Variants in MBTPS1 observed in about 807,000 individuals in gnomAD.
The protein encoded by MBTPS1 is membrane bound transcription factor peptidase, site 1.
Under a neutral mutation model 127.8 loss-of-function variants are expected in MBTPS1, and 94 were observed. That is an observed-to-expected ratio of 0.74 (90% CI 0.62 to 0.87). The LOEUF (loss-of-function observed/expected upper bound fraction) is 0.87. Ranked by LOEUF, MBTPS1 falls within the 40% of genes least tolerant of loss-of-function variation. The pLI is 0.00. For synonymous variants in MBTPS1, 632 were observed against 509.4 expected (o/e 1.24, Z -3.24); for missense variants, 1,636 against 1,353.2 (o/e 1.21, Z -3.28).
At chr16:84,107,943 A>T (rs2086347029) in intron 1 of MBTPS1, among the ~76,000 whole-genome samples, 1 of 148,018 alleles carries the variant, frequency 6.8e-6, no homozygotes, top group Admixed American at 6.8e-5. Flanking sequence ...CAGGCTCAAG[A>T]TATCCTCCTG....
chr16:84,077,608 G>A (rs892455714), intron 11 of MBTPS1, among the ~76,000 whole-genome samples: 2 of 152,086 alleles, frequency 1.3e-5, no homozygotes, highest in Admixed American at 6.5e-5. Context: ...ATGGATCAAG[G>A]AATTTCAAGT....
At chr16:84,106,752 G>C (rs1188332011) in intron 1 of MBTPS1, among the ~76,000 whole-genome samples, 3 of 152,202 alleles carry the variant, frequency 2.0e-5, no homozygotes, top group African/African-American at 7.2e-5. Context: ...GGCTGAGGCA[G>C]GGAGCATCTG....
chr16:84,074,573 G>C (rs756480592), intron 12 of MBTPS1, 24 bp downstream of exon 12: 6 of 1,609,738 alleles, frequency 3.7e-6, no homozygotes, highest in South Asian at 2.2e-5. Flanking sequence ...TCAAGTCAGA[G>C]ACCAAGTCAG....
At position 84,116,194 on chromosome 16, in the gene MBTPS1, A is replaced by T. The variant is rs1310401327; in HGVS notation, c.-325+541T>A. Among the ~76,000 whole-genome samples the T allele has an allele frequency of 2.0e-5, 3 of 152,336 alleles. No homozygotes were observed. The East Asian group carries it at 5.8e-4, about 29-fold the overall frequency. On this transcript the variant is annotated intron_variant, in intron 1 of 22. Transcript: ENST00000343411. The stretch of plus-strand genomic sequence containing the variant: ...GCTCAACCCAATATGAAAGGTAAAC[A>T]TCTTAATAAAAATACTGACGATCCA...
chr16:84,057,560 C>T (rs2085540259), intron 21 of MBTPS1: 1 of 152,196 alleles, frequency 6.6e-6, no homozygotes, highest in African/African-American at 2.4e-5. Flanking sequence ...CACCTGATGC[C>T]AACGAAGAAG....
intron 1 of MBTPS1, among the ~76,000 whole-genome samples, chr16:84,113,878 G>C (rs2086431936): frequency 6.6e-6 from 1 of 151,554 alleles, no homozygotes; most frequent in Non-Finnish European, 1.5e-5. Context: ...TTGCATACTT[G>C]GCTATATTAC....
At chr16:84,088,586 A>C (rs1363054859) in intron 8 of MBTPS1, among the ~76,000 whole-genome samples, 1 of 152,200 alleles carries the variant, frequency 6.6e-6, no homozygotes, top group Admixed American at 6.5e-5. Flanking sequence ...AACCCTTAAA[A>C]AATAAGGGAA....
chr16:84,107,733 C>T (rs1398976714), intron 1 of MBTPS1, among the ~76,000 whole-genome samples: 3 of 148,174 alleles, frequency 2.0e-5, no homozygotes, highest in Non-Finnish European at 3.0e-5. Flanking sequence ...GAGACAGGGT[C>T]CCGCTTGGTC....
At chr16:84,090,762 G>A (rs17849051) in intron 8 of MBTPS1, 113 bp downstream of exon 8, 1 of 798,144 alleles carries the variant, frequency 1.3e-6, no homozygotes, top group Non-Finnish European at 2.1e-6. Flanking sequence ...CTTAAGACAA[G>A]TTTTAGACAG....
At chr16:84,098,154 A>C (rs1258434280) in intron 3 of MBTPS1, among the ~76,000 whole-genome samples, 1 of 152,214 alleles carries the variant, frequency 6.6e-6, no homozygotes. Flanking sequence ...GAAGTAGGAA[A>C]GACTAAGCCC....
rs761739221 is a variant in MBTPS1, at chr16:84,070,614, T to C, written c.1756A>G (p.Thr586Ala). The C allele has an allele frequency of 6.2e-7, 1 of 1,612,568 alleles. No homozygotes were observed. Among genetic ancestry groups the C allele is most frequent in the Non-Finnish European group, 8.5e-7 (1 of 1,179,820 alleles). ...TCTGTCTCTGCTGGGGAAGCCACAG[T>C]GATCATGACATGGCCCTGAGCAATG... ...EGIAQGHVMI[T>A]VASPAETESK... Residue 586 changes from threonine (T) to alanine (A), a missense_variant, in exon 13 of 23, where the codon ACT (threonine) becomes GCT (alanine). Coordinates refer to ENST00000343411, the MANE Select transcript of MBTPS1 (RefSeq NM_003791.4).
intron 21 of MBTPS1, 32 bp downstream of exon 21, chr16:84,059,270 G>T: frequency 6.3e-7 from 1 of 1,593,746 alleles, no homozygotes; most frequent in Non-Finnish European, 8.6e-7. Context: ...AAGCCCCGTG[G>T]AAAGAGTGGA....
At chr16:84,077,205 A>G (rs1166383480) in intron 11 of MBTPS1, among the ~76,000 whole-genome samples, 7 of 150,454 alleles carry the variant, frequency 4.7e-5, no homozygotes, top group African/African-American at 1.7e-4. Flanking sequence ...AGCCTGAGCC[A>G]CAGAGCAAGA....
chr16:84,064,162 G>C (rs2085650004), intron 18 of MBTPS1, among the ~76,000 whole-genome samples: 1 of 151,696 alleles, frequency 6.6e-6, no homozygotes, highest in South Asian at 2.1e-4. Context: ...GCTTTCCTCA[G>C]CACTAGAACA....
chr16:84,091,882 T>A (rs747494829), intron 6 of MBTPS1, 34 bp from the exon 7 acceptor site: 1 of 1,235,188 alleles, frequency 8.1e-7, no homozygotes, highest in Non-Finnish European at 1.2e-6. Context: ...GCTTAGTGTT[T>A]CAATCAAGTT....
chr16:84,108,906 C>T (rs1358822197), intron 1 of MBTPS1, among the ~76,000 whole-genome samples: 2 of 152,182 alleles, frequency 1.3e-5, no homozygotes, highest in African/African-American at 2.4e-5. Flanking sequence ...ATAAATGAAC[C>T]ATTCAGTATC....
At position 84,095,711 on chromosome 16, in the gene MBTPS1, G is replaced by A. The variant is rs1171772159; in HGVS notation, c.516C>T (p.Gly172=). The A allele has an allele frequency of 1.2e-6, 2 of 1,614,244 alleles. No homozygotes were observed. Among genetic ancestry groups the A allele is most frequent in the Admixed American group, 3.3e-5 (2 of 60,032 alleles). Residue 172 remains glycine, a synonymous_variant, in exon 4 of 23, where the codon GGC becomes GGT. Coordinates refer to ENST00000343411, the MANE Select transcript of MBTPS1 (RefSeq NM_003791.4). The part of the protein sequence containing the change: ...LRRASLSLGS[G]FWHATGRHSS... ...AATGCCTTCCCGTAGCATGCCAGAA[G>A]CCAGAGCCCAGGGAGAGGCTGGCTC...
At chr16:84,087,485 AAAAG>A in intron 8 of MBTPS1, 25 bp from the exon 9 acceptor site, 11 of 1,397,172 alleles carry the variant, frequency 7.9e-6, no homozygotes, top group Non-Finnish European at 8.9e-6. Context: ...AAAAAAAAAA[AAAAG>A]AAAAGAAAAA....
chr16:84,086,156 A>T (rs2086020810), intron 9 of MBTPS1: 1 of 152,232 alleles, frequency 6.6e-6, no homozygotes, highest in African/African-American at 2.4e-5. Context: ...GAGTAAAGGC[A>T]TCCTCCACTG....
Sources: allele counts gnomAD v4.1 joint callset (sites outside exome capture counted in the v4.1 genomes callset), GRCh38; gene constraint gnomAD v4.1.1; transcripts MANE v1.5; gene names NCBI Gene and HGNC (gene_info 2026-07-23, HGNC 2026-07-21).